The following TNFRSF10A variants were observed in gnomAD, a reference collection of about 807,000 sequenced individuals.
The protein encoded by TNFRSF10A is TNF receptor superfamily member 10a, also known as tumor necrosis factor receptor superfamily member 10A.
TNFRSF10A carries 44 observed loss-of-function variants against 42.8 expected under a neutral mutation model. The ratio of observed to expected loss-of-function variants is 1.03; its 90% CI spans 0.81 to 1.32. The LOEUF is 1.32. Ranked by LOEUF, TNFRSF10A falls within the 40% of genes most tolerant of loss-of-function variation. The pLI is 0.00. For missense variants in TNFRSF10A, 680 were observed against 602.0 expected (o/e 1.13, Z -1.36); for synonymous variants, 259 against 234.2 (o/e 1.11, Z -0.97).
At chr8:23,196,228 C>G (rs1357496573) in intron 9 of TNFRSF10A, among the ~76,000 whole-genome samples, 1 of 152,164 alleles carries the variant, frequency 6.6e-6, no homozygotes, top group East Asian at 1.9e-4. Context: ...GAGTCTTGCT[C>G]TGTCACCCAG....
chr8:23,223,302 T>G (rs1050098442), intron 1 of TNFRSF10A, among the ~76,000 whole-genome samples: 3 of 152,062 alleles, frequency 2.0e-5, no homozygotes, highest in Non-Finnish European at 2.9e-5. Flanking sequence ...CCTGACCTCG[T>G]GATCCGCCCG....
In TNFRSF10A at chr8:23,192,097, C is replaced by G; in HGVS notation, c.1088-84G>C. On this transcript the variant is annotated intron_variant, in intron 9 of 9. Coordinates refer to ENST00000221132, the MANE Select transcript of TNFRSF10A (RefSeq NM_003844.4). ...AGAGGATCCCACATCAGGCCCAGAA[C>G]CCAAGGAGAGAACCTGGAGAGCCCC... 3.9e-6 allele frequency: 6 copies of G among 1,520,904 alleles called. No individual in the cohort carries two copies. The South Asian group carries it at 7.4e-5, about 19-fold the overall frequency. 94.2% of individuals were successfully genotyped at this position (1,520,904 alleles called of 1,614,324 possible). A position where few individuals can be genotyped will look rare whatever the true frequency, so the allele number is the denominator to read the frequency against.
intron 1 of TNFRSF10A, among the ~76,000 whole-genome samples, chr8:23,214,196 G>A (rs1801141390): frequency 6.6e-6 from 1 of 151,790 alleles, no homozygotes; most frequent in African/African-American, 2.4e-5. Flanking sequence ...GTTTTAAAAT[G>A]TGTTGTTTAG....
At chr8:23,199,809 C>T in intron 7 of TNFRSF10A, 77 bp downstream of exon 7, 1 of 1,606,786 alleles carries the variant, frequency 6.2e-7, no homozygotes, top group Non-Finnish European at 8.5e-7. Context: ...CGGGGACCCA[C>T]CCACCTGGAC....
At chr8:23,223,219 C>G (rs1056773192) in intron 1 of TNFRSF10A, among the ~76,000 whole-genome samples, 3 of 152,218 alleles carry the variant, frequency 2.0e-5, no homozygotes, top group Non-Finnish European at 2.9e-5. Context: ...GCGGCCACCA[C>G]CACGCCTGGC....
rs1323583036 is a variant in TNFRSF10A, at chr8:23,199,320, C to CTCCT, written c.959_960insAGGA (p.Ala321GlyfsTer25). 5 of 1,614,064 alleles carry CTCCT rather than the reference C, an allele frequency of 3.1e-6. No homozygotes were observed. The African/African-American group carries it at 6.7e-5, about 22-fold the overall frequency. The stretch of plus-strand genomic sequence containing the variant: ...GTACAGTGACACCTGTCAAATCTGC[C>CTCCT]GGCTCCTGGCTTTCCATTTGCTGCT... On this transcript the variant is annotated frameshift_variant, in exon 8 of 10. Transcript: ENST00000221132. LOFTEE classifies it high-confidence loss of function.
chr8:23,192,335 G>A (rs1373052072), intron 9 of TNFRSF10A, among the ~76,000 whole-genome samples: 1 of 152,254 alleles, frequency 6.6e-6, no homozygotes, highest in Non-Finnish European at 1.5e-5. Context: ...GAGGGAGGGA[G>A]GGAGAGTGGC....
chr8:23,210,796 T>C (rs568076657), intron 2 of TNFRSF10A, among the ~76,000 whole-genome samples: 28 of 152,318 alleles, frequency 1.8e-4, no homozygotes, highest in Middle Eastern at 3.4e-3. Context: ...TAACAAATTA[T>C]ATCAATAGAA....
intron 3 of TNFRSF10A, among the ~76,000 whole-genome samples, chr8:23,202,258 C>A (rs186225749): frequency 6.6e-6 from 1 of 152,302 alleles, no homozygotes. Context: ...TCCCAAAAAC[C>A]CAGCCTGCTG....
chr8:23,190,466 T>G lies in TNFRSF10A; in HGVS notation c.*1228A>C, dbSNP rs1263094370. ...TCTTTTCTTTCTTTTAACCAAATCTTTGCATAGGTACCAAATAACACATTT... is the reference window on the plus strand; with the variant it reads ...TCTTTTCTTTCTTTTAACCAAATCTGTGCATAGGTACCAAATAACACATTT... On this transcript the variant is annotated 3_prime_UTR_variant, in exon 10 of 10. Transcript: ENST00000221132. 1.3e-5 allele frequency: 2 copies of G among 152,148 alleles called. No individual in the cohort carries two copies. The highest frequency in any genetic ancestry group is 2.9e-5 in the Non-Finnish European group (2 of 68,026). 9.4% of individuals were successfully genotyped at this position (152,148 alleles called of 1,614,324 possible). A position where few individuals can be genotyped will look rare whatever the true frequency, so the allele number is the denominator to read the frequency against.
intron 2 of TNFRSF10A, among the ~76,000 whole-genome samples, chr8:23,203,526 T>G (rs1250949300): frequency 1.3e-5 from 2 of 152,238 alleles, no homozygotes; most frequent in Admixed American, 6.5e-5. Flanking sequence ...GGAGCCCATG[T>G]CTGGAGGCTC....
rs144670447 is a variant in TNFRSF10A, at chr8:23,199,435, C to G, written c.845G>C (p.Arg282Pro). Residue 282 changes from arginine to proline, a missense_variant, in exon 8 of 10, where the codon CGC becomes CCC. Arg to Pro is a moderately radical substitution (Grantham distance 103). Coordinates refer to ENST00000221132, the MANE Select transcript of TNFRSF10A (RefSeq NM_003844.4). The part of the protein sequence containing the change: ...PKCMDRVCFW[R>P]LGLLRGPGAE... ...CCCAGGCCCTCGTAGGAGACCCAAG[C>G]GCCAGAAACACACCTTAGGAAGGCA... 6.2e-7 allele frequency: 1 copy of G among 1,611,790 alleles called. No homozygotes were observed. Among genetic ancestry groups the G allele is most frequent in the Non-Finnish European group, 8.5e-7 (1 of 1,178,008 alleles).
chr8:23,202,639 A>C lies in TNFRSF10A; in HGVS notation c.517+9T>G. ...CCACCTCTGGACAAGAGGTCCACAC[A>C]TTCTGTACCTGATTTACAAGCTGTA... On this transcript the variant is annotated intron_variant, in intron 3 of 9. Transcript: ENST00000221132. 1 of 1,609,588 alleles carries C rather than the reference A, an allele frequency of 6.2e-7. No homozygotes were observed. The highest frequency in any genetic ancestry group is 8.5e-7 in the Non-Finnish European group (1 of 1,176,060).
In TNFRSF10A at chr8:23,191,638, C is replaced by T. The variant is rs1407527102; in HGVS notation, c.*56G>A. ...GTATACATGTTAAAAAAAAAAAAAACCTAATATGTATTAACTCCTAACACC... is the reference window on the plus strand; with the variant it reads ...GTATACATGTTAAAAAAAAAAAAAATCTAATATGTATTAACTCCTAACACC... On this transcript the variant is annotated 3_prime_UTR_variant, in exon 10 of 10. Transcript: ENST00000221132. The T allele has an allele frequency of 6.9e-7, 1 of 1,444,160 alleles. No homozygotes were observed. The highest frequency in any genetic ancestry group is 2.7e-5 in the Admixed American group (1 of 36,608). The allele number at this position is 1,444,160 out of a possible 1,614,324, so 89.5% of individuals were successfully genotyped here.
intron 1 of TNFRSF10A, among the ~76,000 whole-genome samples, chr8:23,220,508 G>C (rs1801242852): frequency 6.6e-6 from 1 of 152,192 alleles, no homozygotes; most frequent in Admixed American, 6.5e-5. Flanking sequence ...TGTGGCCCCA[G>C]CTCCTTCCTA....
intron 1 of TNFRSF10A, among the ~76,000 whole-genome samples, chr8:23,222,840 C>A (rs1801275113): frequency 6.6e-6 from 1 of 152,068 alleles, no homozygotes; most frequent in African/African-American, 2.4e-5. Context: ...TAGAATGAAC[C>A]TGGCCCCTCC....
intron 2 of TNFRSF10A, among the ~76,000 whole-genome samples, chr8:23,207,757 T>C (rs1801038022): frequency 6.6e-6 from 1 of 152,194 alleles, no homozygotes; most frequent in African/African-American, 2.4e-5. Context: ...CTTTGCTTGC[T>C]GCCATCCATG....
chr8:23,215,292 G>A (rs889085142), intron 1 of TNFRSF10A, among the ~76,000 whole-genome samples: 1 of 152,088 alleles, frequency 6.6e-6, no homozygotes, highest in Non-Finnish European at 1.5e-5. Context: ...CAAAGTGGGC[G>A]ACCACCTGAG....
intron 2 of TNFRSF10A, among the ~76,000 whole-genome samples, chr8:23,208,575 C>T (rs892674089): frequency 2.0e-5 from 3 of 152,174 alleles, no homozygotes; most frequent in African/African-American, 7.2e-5. Context: ...CCTGCCTCAG[C>T]CTCCTGAGTA....
Sources: gnomAD v4.1 joint callset for allele counts (sites outside exome capture counted in the v4.1 genomes callset) on GRCh38, gnomAD v4.1.1 for gene constraint, MANE v1.5 for transcripts, NCBI Gene and HGNC (gene_info 2026-07-23, HGNC 2026-07-21) for gene names.